Variants in KLF13 observed in about 807,000 individuals in gnomAD.
KLF13 encodes the protein KLF transcription factor 13.
KLF13 carries 8 observed loss-of-function variants against 16.7 expected under a neutral mutation model. The ratio of observed to expected loss-of-function variants is 0.48; its 90% CI spans 0.28 to 0.87. The LOEUF (loss-of-function observed/expected upper bound fraction) is 0.87, where lower values mean the gene tolerates loss of function less well. Ranked by LOEUF, KLF13 falls within the 40% of genes least tolerant of loss-of-function variation. The pLI is 0.10. For missense variants in KLF13, 447 were observed against 452.2 expected, an observed-to-expected ratio of 0.99 and a Z score of 0.10; for synonymous variants, 245 against 208.4, an observed-to-expected ratio of 1.18 and a Z score of -1.51.
rs370592029 is a variant in KLF13, at chr15:31,372,184, A to T, written c.752A>T (p.Asn251Ile). Residue 251 changes from asparagine to isoleucine, a missense_variant, in exon 2 of 2, where the codon AAC (asparagine) becomes ATC (isoleucine). By Grantham distance (149) the Asn-to-Ile change is moderately radical. This residue lies in a region of KLF13 where 88 missense variants were observed against 169.5 expected (regional missense o/e 0.52). Transcript: ENST00000307145. ...HLTKHARRHANFHPGMLQRRG... is the reference protein window; with the variant it reads ...HLTKHARRHAIFHPGMLQRRG... Reference sequence around the variant, plus strand: ...ACCAAGCACGCGCGCCGCCACGCCAACTTCCACCCGGGAATGCTGCAGCGG... The same window carrying T: ...ACCAAGCACGCGCGCCGCCACGCCATCTTCCACCCGGGAATGCTGCAGCGG... 1.2e-6 allele frequency: 2 copies of T among 1,611,534 alleles called. No individual in the cohort carries two copies. The highest frequency in any genetic ancestry group is 1.7e-6 in the Non-Finnish European group (2 of 1,179,536).
At chr15:31,426,386 G>A (rs1340531665) in intron 1 of KLF13, among the ~76,000 whole-genome samples, 2 of 152,142 alleles carry the variant, frequency 1.3e-5, no homozygotes, top group Non-Finnish European at 2.9e-5. Context: ...AAAGCCTCCT[G>A]ACATTGGACT....
intron 1 of KLF13, among the ~76,000 whole-genome samples, chr15:31,340,602 A>G (rs1309379106): frequency 6.6e-6 from 1 of 152,218 alleles, no homozygotes; most frequent in African/African-American, 2.4e-5. Flanking sequence ...AGTGTTTAAG[A>G]AAAAACTCGT....
chr15:31,426,103 C>G (rs1350012091), intron 1 of KLF13, among the ~76,000 whole-genome samples: 2 of 152,138 alleles, frequency 1.3e-5, no homozygotes, highest in East Asian at 3.9e-4. Context: ...CTGAAACCAC[C>G]TCAGCCTGGA....
At chr15:31,434,650 GTT>G in intron 1 of KLF13, among the ~76,000 whole-genome samples, 1 of 152,220 alleles carries the variant, frequency 6.6e-6, no homozygotes, top group Non-Finnish European at 1.5e-5. Flanking sequence ...CCTGAAGCGG[GTT>G]AAGAGCAGAA....
In KLF13 at chr15:31,327,586, CGGAGCCCGAGGCGGGGCT is replaced by C. The variant is rs1256196105; in HGVS notation, c.385_402del (p.Ala129_Glu134del). 1.6e-5 allele frequency: 20 copies of C among 1,223,834 alleles called. No individual in the cohort carries two copies. The highest frequency in any genetic ancestry group is 3.7e-5 in the East Asian group (1 of 27,384). 75.8% of individuals were successfully genotyped at this position (1,223,834 alleles called of 1,614,324 possible). The stretch of plus-strand genomic sequence containing the variant: ...CCCCCCAGCCCGGCGTGGAGCGAGC[CGGAGCCCGAGGCGGGGCT>C]GGAGCCCGAGCGGGAGCCGGGGCCC... On this transcript the variant is annotated inframe_deletion, in exon 1 of 2. Coordinates refer to ENST00000307145, the MANE Select transcript of KLF13 (RefSeq NM_015995.4).
intron 1 of KLF13, 147 bp downstream of exon 1, chr15:31,327,936 G>A: frequency 1.0e-6 from 1 of 972,644 alleles, no homozygotes; most frequent in East Asian, 7.4e-5. Flanking sequence ...CTGCCGCTCC[G>A]ACCCGCGGCT....
intron 1 of KLF13, among the ~76,000 whole-genome samples, chr15:31,336,226 G>T (rs987646946): frequency 1.3e-5 from 2 of 152,220 alleles, no homozygotes; most frequent in African/African-American, 4.8e-5. Context: ...ATCCTTTCCC[G>T]GTCTGGCCTC....
In KLF13 at chr15:31,371,978, C is replaced by G. The variant is rs769637284; in HGVS notation, c.578-32C>G. ...GAGGGTGTGAAGGCGGGGCCAGGTG[C>G]GGATACTGATGCTCTGCCCCTGTGC... On this transcript the variant is annotated intron_variant, in intron 1 of 1. Transcript: ENST00000307145. 8 of 1,564,394 alleles carry G rather than the reference C, an allele frequency of 5.1e-6. No individual in the cohort carries two copies. In the South Asian group the frequency reaches 7.0e-5, roughly 14 times the overall value.
chr15:31,393,891 G>A (rs1018408823), intron 2 of KLF13, among the ~76,000 whole-genome samples: 3 of 152,214 alleles, frequency 2.0e-5, no homozygotes, highest in African/African-American at 7.2e-5. Flanking sequence ...TGTCTGCGAG[G>A]GTGGTGGGTG....
At chr15:31,395,137 G>A (rs1446483213) in intron 2 of KLF13, among the ~76,000 whole-genome samples, 3 of 151,968 alleles carry the variant, frequency 2.0e-5, no homozygotes, top group African/African-American at 7.3e-5. Flanking sequence ...CCGCCACCAC[G>A]CCCGGCTAAT....
chr15:31,434,966 A>C (rs1175610804), intron 1 of KLF13, among the ~76,000 whole-genome samples: 2 of 152,182 alleles, frequency 1.3e-5, no homozygotes, highest in Non-Finnish European at 2.9e-5. Context: ...ACTAGGGCTG[A>C]AATCATGTTC....
chr15:31,342,709 C>T (rs952382509), intron 1 of KLF13, among the ~76,000 whole-genome samples: 1 of 152,108 alleles, frequency 6.6e-6, no homozygotes, highest in Non-Finnish European at 1.5e-5. Flanking sequence ...GTATTTTTTT[C>T]TTTATTTTCT....
chr15:31,382,810 A>G (rs1205827975), downstream of KLF13, among the ~76,000 whole-genome samples: 5 of 152,170 alleles, frequency 3.3e-5, no homozygotes, highest in African/African-American at 1.2e-4. Context: ...GTGTCTAGGT[A>G]CCGCGTCCAC....
downstream of KLF13, among the ~76,000 whole-genome samples, chr15:31,382,698 C>T (rs964274538): frequency 1.3e-5 from 2 of 152,202 alleles, no homozygotes; most frequent in Non-Finnish European, 2.9e-5. Context: ...GGGCCCAGTC[C>T]CAGGCACTGT....
At position 31,396,907 on chromosome 15, in the gene KLF13, C is replaced by T. The variant is rs552405636; in HGVS notation, n.529+3216C>T. On this transcript the variant is annotated intron_variant and non_coding_transcript_variant, in intron 2 of 2. Transcript: ENST00000500533. ...ATAAACTATAAACCAAGTTTTCTCCCAAAGTTAGTTCAGCTTACACCTAGG... is the reference window on the plus strand; with the variant it reads ...ATAAACTATAAACCAAGTTTTCTCCTAAAGTTAGTTCAGCTTACACCTAGG... Among the ~76,000 whole-genome samples the T allele has an allele frequency of 1.6e-3, 244 of 152,116 alleles. 1 individual carries two copies. The highest frequency in any genetic ancestry group is 2.6e-3 in the Non-Finnish European group (178 of 68,010).
At position 31,364,483 on chromosome 15, in the gene KLF13, G is replaced by A. The variant is rs549465490; in HGVS notation, c.578-7527G>A. On this transcript the variant is annotated intron_variant, in intron 1 of 1. Transcript: ENST00000307145. ...CCCCATGTCTCTTTCACTACTGGGC[G>A]GCTCACAAACATGCTTCCCGGGGCC... 2.0e-5 allele frequency among the ~76,000 whole-genome samples: 3 copies of A among 152,324 alleles called. No homozygotes were observed. The East Asian group carries it at 5.8e-4, about 29-fold the overall frequency.
intron 1 of KLF13, among the ~76,000 whole-genome samples, chr15:31,366,880 T>C (rs1350061270): frequency 6.6e-6 from 1 of 152,246 alleles, no homozygotes; most frequent in East Asian, 1.9e-4. Flanking sequence ...AAAACTGTTT[T>C]CATAACAATA....
chr15:31,423,094 T>C lies in KLF13; in HGVS notation n.118-12276T>C, dbSNP rs1333915782. 2.1e-5 allele frequency among the ~76,000 whole-genome samples: 3 copies of C among 144,020 alleles called. 1 individual carries two copies. The highest frequency in any genetic ancestry group is 5.2e-5 in the African/African-American group (2 of 38,696). 94.5% of individuals were successfully genotyped at this position (144,020 alleles called of 152,430 possible). On this transcript the variant is annotated intron_variant and non_coding_transcript_variant, in intron 1 of 1. Transcript: ENST00000558225. ...TATAACAATTACATATATATACGTA[T>C]ATATACGTATACGTATACGTATATA...
chr15:31,411,728 A>G (rs1409399222), intron 1 of KLF13, among the ~76,000 whole-genome samples: 3 of 152,158 alleles, frequency 2.0e-5, no homozygotes, highest in African/African-American at 7.2e-5. Flanking sequence ...TTTAAAAAAG[A>G]AAACCATATG....
Sources: allele counts gnomAD v4.1 joint callset (sites outside exome capture counted in the v4.1 genomes callset), GRCh38; gene constraint gnomAD v4.1.1; regional missense constraint gnomAD v4.1.1; transcripts MANE v1.5; gene names NCBI Gene and HGNC (gene_info 2026-07-23, HGNC 2026-07-21).